Variants in AMD1 observed in about 807,000 individuals in gnomAD.
AMD1 encodes the protein S-adenosylmethionine decarboxylase proenzyme.
In AMD1, 11 loss-of-function variants were observed where a neutral mutation model predicts 40.2. The ratio of observed to expected loss-of-function variants is 0.27; its 90% CI spans 0.17 to 0.45. AMD1 has a LOEUF of 0.45. AMD1 is among the 20% of genes least tolerant of loss of function. AMD1 has a pLI of 1.00. For synonymous variants in AMD1, 121 were observed against 130.8 expected (o/e 0.93, Z 0.51); for missense variants, 257 against 410.2 (o/e 0.63, Z 3.23).
intron 1 of AMD1, among the ~76,000 whole-genome samples, chr6:110,886,132 GTA>G (rs1224237007): frequency 6.6e-6 from 1 of 151,294 alleles, no homozygotes; most frequent in Non-Finnish European, 1.5e-5. Context: ...GCACGTGCCT[GTA>G]ATCCCAGCTG....
At chr6:110,852,906 T>A in the AMD1 span, among the ~76,000 whole-genome samples, 1 of 151,980 alleles carries the variant, frequency 6.6e-6, no homozygotes, top group Admixed American at 6.6e-5. Context: ...GGAACTAACA[T>A]GAAAACTTTA....
At chr6:110,858,726 A>C in the AMD1 span, 4 of 788,990 alleles carry the variant, frequency 5.1e-6, no homozygotes, top group Non-Finnish European at 9.1e-6. Flanking sequence ...AAGGCTGGCC[A>C]GTGCACCATC....
chr6:110,832,776 T>C, the AMD1 span, among the ~76,000 whole-genome samples: 1 of 152,226 alleles, frequency 6.6e-6, no homozygotes, highest in African/African-American at 2.4e-5. Context: ...CAGTGATACC[T>C]TGAGAAACAC....
the AMD1 span, among the ~76,000 whole-genome samples, chr6:110,840,016 T>TC: frequency 8.9e-5 from 13 of 145,960 alleles, no homozygotes; most frequent in Non-Finnish European, 1.8e-4. Flanking sequence ...TCTCTCTCTT[T>TC]TTTTTTTTTT....
At chr6:110,875,611 T>G (rs1241651703) in intron 1 of AMD1, 1 of 164,284 alleles carries the variant, frequency 6.1e-6, no homozygotes, top group African/African-American at 2.4e-5. Context: ...CTGCGCGGGT[T>G]GCCTCCGGCA....
At position 110,890,041 on chromosome 6, in the gene AMD1, G is replaced by A. The variant is rs1785925751; in HGVS notation, c.325-213G>A. On this transcript the variant is annotated intron_variant, in intron 3 of 8. Coordinates refer to ENST00000368885, the MANE Select transcript of AMD1 (RefSeq NM_001634.6). ...AGAGAGAGAGAGAGATGGGGCCTCA[G>A]TATGTTGCCCAGGCTGGACTCCTGG... 5 of 460,034 alleles carry A rather than the reference G, an allele frequency of 1.1e-5. 1 individual carries two copies. Among genetic ancestry groups the A allele is most frequent in the Non-Finnish European group, 1.9e-5 (5 of 261,290 alleles). 28.5% of individuals were successfully genotyped at this position (460,034 alleles called of 1,614,324 possible).
chr6:110,833,903 G>A, the AMD1 span, among the ~76,000 whole-genome samples: 2 of 152,138 alleles, frequency 1.3e-5, no homozygotes, highest in South Asian at 2.1e-4. Context: ...CTTGTGGAAC[G>A]TAAGAACTCT....
chr6:110,894,350 A>G lies in AMD1; in HGVS notation c.*734A>G, dbSNP rs1321065523. The stretch of plus-strand genomic sequence containing the variant: ...TTTATATACTAATTCTATACCCCAG[A>G]TGGGGAATGGGGGAGATGGTCCCTG... On this transcript the variant is annotated 3_prime_UTR_variant, in exon 9 of 9. Transcript: ENST00000368885. 6.6e-6 allele frequency: 1 copy of G among 152,646 alleles called. No homozygotes were observed. The highest frequency in any genetic ancestry group is 2.4e-5 in the African/African-American group (1 of 41,448). 9.5% of individuals were successfully genotyped at this position (152,646 alleles called of 1,614,324 possible). A position where few individuals can be genotyped will look rare whatever the true frequency, so the allele number is the denominator to read the frequency against.
chr6:110,871,499 A>G (rs142930284), upstream of AMD1, among the ~76,000 whole-genome samples: 32 of 152,348 alleles, frequency 2.1e-4, no homozygotes, highest in Non-Finnish European at 4.1e-4. Context: ...TGGATGTAGG[A>G]CAATGCAGGA....
intron 1 of AMD1, among the ~76,000 whole-genome samples, chr6:110,882,409 G>A (rs1403635422): frequency 6.6e-6 from 1 of 152,144 alleles, no homozygotes; most frequent in African/African-American, 2.4e-5. Flanking sequence ...GCCCTTATAG[G>A]GAGAAAATAA....
chr6:110,846,016 T>C, the AMD1 span, among the ~76,000 whole-genome samples: 1 of 151,750 alleles, frequency 6.6e-6, no homozygotes, highest in African/African-American at 2.4e-5. Context: ...CCAAGGAGGG[T>C]GGATCACAAG....
At chr6:110,857,641 A>ATATATATATATGGTATATATATAGGTGG in the AMD1 span, among the ~76,000 whole-genome samples, 2 of 133,286 alleles carry the variant, frequency 1.5e-5, no homozygotes, top group African/African-American at 2.7e-5. Flanking sequence ...TATAGATGGT[A>ATATATATATATGGTATATATATAGGTGG]TATATATATA....
the AMD1 span, among the ~76,000 whole-genome samples, chr6:110,816,774 G>C: frequency 6.6e-6 from 1 of 152,056 alleles, no homozygotes; most frequent in Non-Finnish European, 1.5e-5. Context: ...TTGTTTTGAA[G>C]AGACTGGCCT....
At chr6:110,856,702 C>A in the AMD1 span, among the ~76,000 whole-genome samples, 2 of 152,130 alleles carry the variant, frequency 1.3e-5, no homozygotes. Context: ...TTCCTAGACA[C>A]CAAATAGGCT....
At chr6:110,891,882 A>C (rs975617329) in intron 4 of AMD1, 12 of 427,364 alleles carry the variant, frequency 2.8e-5, no homozygotes, top group African/African-American at 1.0e-4. Flanking sequence ...AGCTGGGATT[A>C]TAGGCATGTG....
In AMD1 at chr6:110,888,951, G is replaced by T; in HGVS notation, c.292G>T (p.Ala98Ser). The change falls in exon 3 of 9, where the codon GCT becomes TCT. Residue 98 changes from alanine to serine, a missense_variant. By Grantham distance (99) the Ala-to-Ser change is moderately conservative. This residue lies in a region of AMD1 where 192 missense variants were observed against 296.5 expected (regional missense o/e 0.65). Transcript: ENST00000368885. ...AGCACTGGTTCCCCTGTTGAAGCTT[G>T]CTAGGGATTACAGTGGGTTTGACTC... is the stretch of plus-strand genomic sequence containing the variant. ...LKALVPLLKL[A>S]RDYSGFDSIQ... The T allele has an allele frequency of 3.1e-6, 5 of 1,613,976 alleles. No individual in the cohort carries two copies. The highest frequency in any genetic ancestry group is 4.2e-6 in the Non-Finnish European group (5 of 1,179,954).
chr6:110,893,074 A>T lies in AMD1; in HGVS notation c.864+9A>T, dbSNP rs766867997. The T allele has an allele frequency of 1.9e-6, 3 of 1,582,128 alleles. No homozygotes were observed. Among genetic ancestry groups the T allele is most frequent in the African/African-American group, 2.7e-5 (2 of 73,044 alleles). ...CCTTGTTTGTTAATCAGGTAATTTTATATTTTATTATTAATCAGGTTATTT... is the reference window on the plus strand; with the variant it reads ...CCTTGTTTGTTAATCAGGTAATTTTTTATTTTATTATTAATCAGGTTATTT... On this transcript the variant is annotated intron_variant, in intron 8 of 8. Coordinates refer to ENST00000368885, the MANE Select transcript of AMD1 (RefSeq NM_001634.6).
chr6:110,869,505 C>CT, the AMD1 span, among the ~76,000 whole-genome samples: 111,346 of 143,846 alleles, frequency 0.77, 43,589 homozygotes, highest in Middle Eastern at 0.86. Context: ...TTTACAGTTT[C>CT]TTTTTTTTTT....
At chr6:110,882,748 T>A (rs1785477900) in intron 1 of AMD1, among the ~76,000 whole-genome samples, 1 of 152,208 alleles carries the variant, frequency 6.6e-6, no homozygotes, top group Admixed American at 6.5e-5. Context: ...ATTGAAAAAT[T>A]CTGATTACCG....
Sources: gnomAD v4.1 joint callset for allele counts (sites outside exome capture counted in the v4.1 genomes callset) on GRCh38, gnomAD v4.1.1 for gene constraint, gnomAD v4.1.1 regional missense constraint, MANE v1.5 for transcripts, NCBI Gene and HGNC (gene_info 2026-07-23, HGNC 2026-07-21) for gene names.